Variants in CARMIL1 observed in about 807,000 individuals in gnomAD.
The protein encoded by CARMIL1 is F-actin-uncapping protein LRRC16A.
Under a neutral mutation model 177.1 loss-of-function variants are expected in CARMIL1, and 90 were observed. The ratio of observed to expected loss-of-function variants is 0.51; its 90% CI spans 0.43 to 0.61. CARMIL1 has a LOEUF of 0.61. Ranked by LOEUF, CARMIL1 falls within the 20% of genes least tolerant of loss-of-function variation. The pLI is 0.00. For missense variants in CARMIL1, 1,380 were observed against 1,667.0 expected, an observed-to-expected ratio of 0.83 and a Z score of 3.00; for synonymous variants, 577 against 606.2, an observed-to-expected ratio of 0.95 and a Z score of 0.71.
intron 32 of CARMIL1, among the ~76,000 whole-genome samples, chr6:25,597,646 C>T (rs114389192): frequency 0.019 from 2,885 of 152,188 alleles, 68 homozygotes; most frequent in African/African-American, 0.057. Context: ...CCTCTAGGCC[C>T]ATTCCACTGC....
chr6:25,381,739 A>G (rs78983140), intron 2 of CARMIL1, among the ~76,000 whole-genome samples: 6,687 of 152,290 alleles, frequency 0.044, 370 homozygotes, highest in East Asian at 0.27. Context: ...GTGTTCACCA[A>G]TCCAGAAGCT....
chr6:25,391,500 C>T (rs1365909560), intron 2 of CARMIL1, among the ~76,000 whole-genome samples: 2 of 152,062 alleles, frequency 1.3e-5, no homozygotes, highest in African/African-American at 2.4e-5. Flanking sequence ...TAGATGGTAT[C>T]GAGATCTTGC....
chr6:25,342,588 T>A (rs780402289), intron 2 of CARMIL1, among the ~76,000 whole-genome samples: 11 of 150,228 alleles, frequency 7.3e-5, no homozygotes, highest in Non-Finnish European at 1.5e-4. Context: ...TGTTCTTGCC[T>A]CTTTCTAGTT....
chr6:25,575,315 C>T (rs778132908), intron 29 of CARMIL1, among the ~76,000 whole-genome samples: 2 of 152,218 alleles, frequency 1.3e-5, no homozygotes, highest in Admixed American at 6.5e-5. Flanking sequence ...TCTGTTGCCA[C>T]GCTTTCCTTC....
chr6:25,314,220 A>G (rs1351863785), intron 2 of CARMIL1, among the ~76,000 whole-genome samples: 6 of 125,176 alleles, frequency 4.8e-5, no homozygotes, highest in East Asian at 5.4e-4. Flanking sequence ...CTCGGCCTCC[A>G]TCCCAGCACT....
chr6:25,393,908 G>A lies in CARMIL1; in HGVS notation c.139-26206G>A, dbSNP rs1246637116. On this transcript the variant is annotated intron_variant, in intron 2 of 36. Transcript: ENST00000329474. ...GATTGTTGTTGCTATTGTTATTGAT[G>A]AATAATACGTTCTTGGGGAGGTAGT... 2.0e-5 allele frequency among the ~76,000 whole-genome samples: 3 copies of A among 152,206 alleles called. No homozygotes were observed. The East Asian group carries it at 5.8e-4, about 29-fold the overall frequency.
At chr6:25,575,270 A>G (rs1241939009) in intron 29 of CARMIL1, among the ~76,000 whole-genome samples, 1 of 152,174 alleles carries the variant, frequency 6.6e-6, no homozygotes, top group Non-Finnish European at 1.5e-5. Flanking sequence ...AGCAGAATGA[A>G]CTATTAATCT....
chr6:25,371,627 A>C (rs1159918416), intron 2 of CARMIL1, among the ~76,000 whole-genome samples: 1 of 151,998 alleles, frequency 6.6e-6, no homozygotes, highest in African/African-American at 2.4e-5. Context: ...TTTTCTTGCT[A>C]ATTTATTTGA....
chr6:25,428,784 A>G (rs550242004), intron 4 of CARMIL1, among the ~76,000 whole-genome samples: 167 of 152,292 alleles, frequency 1.1e-3, no homozygotes, highest in African/African-American at 3.8e-3. Flanking sequence ...TTTTGATGCT[A>G]CTATAAATTG....
At chr6:25,434,332 A>G (rs1275094067) in intron 4 of CARMIL1, among the ~76,000 whole-genome samples, 1 of 152,128 alleles carries the variant, frequency 6.6e-6, no homozygotes, top group Non-Finnish European at 1.5e-5. Flanking sequence ...CCTTTTCACA[A>G]GTTAGTTTGT....
At chr6:25,484,543 G>A (rs185263321) in intron 12 of CARMIL1, among the ~76,000 whole-genome samples, 173 of 152,306 alleles carry the variant, frequency 1.1e-3, no homozygotes, top group African/African-American at 4.0e-3. Context: ...TTACAGCTAA[G>A]TTTAACTCCT....
At position 25,600,435 on chromosome 6, in the gene CARMIL1, G is replaced by C; in HGVS notation, c.3241G>C (p.Glu1081Gln). 2 of 1,613,908 alleles carry C rather than the reference G, an allele frequency of 1.2e-6. No individual in the cohort carries two copies. The highest frequency in any genetic ancestry group is 8.5e-7 in the Non-Finnish European group (1 of 1,179,894). Residue 1081 changes from glutamate to glutamine, a missense_variant, in exon 33 of 37, where the codon GAG (glutamate) becomes CAG (glutamine). Glu to Gln is a conservative substitution (Grantham distance 29). Transcript: ENST00000329474. ...LNLIKSRSKS[E>Q]RPPTILMTEE... ...TTTAATCAAATCCCGGTCCAAATCC[G>C]AGCGACCACCAACGATCTTGATGAC...
chr6:25,512,053 T>G (rs918498475), intron 20 of CARMIL1, among the ~76,000 whole-genome samples: 1 of 152,240 alleles, frequency 6.6e-6, no homozygotes, highest in Non-Finnish European at 1.5e-5. Context: ...CTGCCTTGTT[T>G]GAGTTTCTGA....
chr6:25,499,320 C>T (rs1476403677), intron 16 of CARMIL1, among the ~76,000 whole-genome samples: 1 of 152,200 alleles, frequency 6.6e-6, no homozygotes, highest in African/African-American at 2.4e-5. Context: ...GCACACATAT[C>T]TGTTTTCCTT....
At chr6:25,483,178 T>C (rs984201193) in intron 12 of CARMIL1, among the ~76,000 whole-genome samples, 2 of 152,208 alleles carry the variant, frequency 1.3e-5, no homozygotes, top group Non-Finnish European at 2.9e-5. Context: ...TGTGCTTCTC[T>C]CTATTTATCT....
chr6:25,330,688 TAAAAA>T (rs145205834), intron 2 of CARMIL1, among the ~76,000 whole-genome samples: 1 of 142,578 alleles, frequency 7.0e-6, no homozygotes, highest in Non-Finnish European at 1.5e-5. Flanking sequence ...CCATCTCTAT[TAAAAA>T]AAAAAAAAAA....
chr6:25,527,764 C>T (rs765759815), intron 23 of CARMIL1: 2 of 394,954 alleles, frequency 5.1e-6, no homozygotes, highest in African/African-American at 2.1e-5. Context: ...TTCAAGGGAT[C>T]GTAATTATAG....
At chr6:25,516,995 C>T (rs1806066369) in intron 21 of CARMIL1, among the ~76,000 whole-genome samples, 1 of 152,136 alleles carries the variant, frequency 6.6e-6, no homozygotes, top group Non-Finnish European at 1.5e-5. Context: ...TAAATAGCTT[C>T]CACCTCAGAC....
At chr6:25,434,634 G>A (rs1337692176) in intron 4 of CARMIL1, among the ~76,000 whole-genome samples, 3 of 147,970 alleles carry the variant, frequency 2.0e-5, no homozygotes, top group East Asian at 4.1e-4. Context: ...AGCGAATCTC[G>A]TGCCTCAGCC....
Sources: allele counts gnomAD v4.1 joint callset (sites outside exome capture counted in the v4.1 genomes callset), GRCh38; gene constraint gnomAD v4.1.1; transcripts MANE v1.5; gene names NCBI Gene and HGNC (gene_info 2026-07-23, HGNC 2026-07-21).